CTNNA2: variants seen among roughly 807,000 people sequenced by gnomAD.
CTNNA2 encodes the protein catenin alpha 2, also known as catenin alpha-2.
A neutral mutation model predicts 101.0 loss-of-function variants in CTNNA2; 42 were observed. That is an observed-to-expected ratio of 0.42 (90% CI 0.32 to 0.54). The LOEUF is 0.54. Among genes scored for constraint, CTNNA2 ranks in the 20% least tolerant of loss-of-function variants. The pLI is 0.14. For missense variants in CTNNA2, 871 were observed against 1,223.1 expected (o/e 0.71, Z 4.29); for synonymous variants, 450 against 456.4 (o/e 0.99, Z 0.18).
chr2:80,389,055 A>C (rs1677267117), intron 7 of CTNNA2, among the ~76,000 whole-genome samples: 1 of 152,200 alleles, frequency 6.6e-6, no homozygotes, highest in African/African-American at 2.4e-5. Context: ...TTCTTTAGGG[A>C]TACCAGTTTT....
At chr2:79,516,546 A>G (rs1358544494) in intron 1 of CTNNA2, among the ~76,000 whole-genome samples, 1 of 152,182 alleles carries the variant, frequency 6.6e-6, no homozygotes, top group Non-Finnish European at 1.5e-5. Flanking sequence ...ATACAGGTGA[A>G]TGTATTGAAA....
At chr2:79,434,924 G>A (rs1448794896) in intron 4 of CTNNA2, among the ~76,000 whole-genome samples, 2 of 152,180 alleles carry the variant, frequency 1.3e-5, no homozygotes. Flanking sequence ...GGTTTTCCAA[G>A]TAGAAATCTC....
intron 4 of CTNNA2, among the ~76,000 whole-genome samples, chr2:79,491,665 T>A (rs1487965604): frequency 6.6e-6 from 1 of 152,126 alleles, no homozygotes; most frequent in Non-Finnish European, 1.5e-5. Flanking sequence ...AATCTGGACC[T>A]ATTACTAGAA....
chr2:80,194,857 G>GTA (rs1421649382), intron 7 of CTNNA2, among the ~76,000 whole-genome samples: 27 of 151,482 alleles, frequency 1.8e-4, no homozygotes, highest in East Asian at 3.9e-4. Flanking sequence ...GTGTATGTGT[G>GTA]TATATATATA....
At chr2:80,262,932 A>C (rs1442667324) in intron 7 of CTNNA2, among the ~76,000 whole-genome samples, 1 of 151,840 alleles carries the variant, frequency 6.6e-6, no homozygotes, top group Non-Finnish European at 1.5e-5. Context: ...TAATAAAAAC[A>C]ACAATATTGA....
At chr2:80,193,641 T>C (rs960022559) in intron 7 of CTNNA2, among the ~76,000 whole-genome samples, 1 of 152,226 alleles carries the variant, frequency 6.6e-6, no homozygotes, top group African/African-American at 2.4e-5. Context: ...TCTGTGTTTT[T>C]AGAAAAATCA....
At chr2:80,120,950 G>A (rs191171612) in intron 7 of CTNNA2, among the ~76,000 whole-genome samples, 117 of 152,182 alleles carry the variant, frequency 7.7e-4, no homozygotes, top group Non-Finnish European at 3.8e-4. Context: ...GGTGTAAATC[G>A]AATGCTTTCT....
intron 2 of CTNNA2, among the ~76,000 whole-genome samples, chr2:79,252,753 T>C (rs1441814841): frequency 1.3e-5 from 2 of 152,264 alleles, no homozygotes; most frequent in East Asian, 3.9e-4. Context: ...CATTTTATAA[T>C]TGGTATATCA....
At chr2:79,879,007 A>G (rs1019691359) in intron 6 of CTNNA2, among the ~76,000 whole-genome samples, 9 of 152,166 alleles carry the variant, frequency 5.9e-5, no homozygotes. Context: ...ATAAGGTGTA[A>G]GGAAGGGGTC....
chr2:80,001,301 C>T (rs1692930352), intron 7 of CTNNA2, among the ~76,000 whole-genome samples: 1 of 152,126 alleles, frequency 6.6e-6, no homozygotes, highest in Admixed American at 6.6e-5. Flanking sequence ...TGGCCAAACT[C>T]AGAATTGTTT....
chr2:80,545,014 T>A lies in CTNNA2; in HGVS notation c.1323T>A (p.Asn441Lys), dbSNP rs1691915914. 6.2e-7 allele frequency: 1 copy of A among 1,613,900 alleles called. No individual in the cohort carries two copies. Among genetic ancestry groups the A allele is most frequent in the Non-Finnish European group, 8.5e-7 (1 of 1,179,962 alleles). ...ATTTGGCCTGTTCCATCTCCAACAA[T>A]GAAGAAGGGGTGAAATTAGTTCGGA... The part of the protein sequence containing the change: ...VANLACSISN[N>K]EEGVKLVRMA... Residue 441 changes from asparagine to lysine, a missense_variant, in exon 10 of 19, where the codon AAT (asparagine) becomes AAA (lysine). Asn to Lys is a moderately conservative substitution (Grantham distance 94). Around this residue, in one of 5 missense-constraint regions of CTNNA2, gnomAD observed 647 missense variants for 831.5 expected, o/e 0.78. Transcript: ENST00000402739.
chr2:80,170,333 TGAG>T (rs1704975882), intron 7 of CTNNA2, among the ~76,000 whole-genome samples: 1 of 152,222 alleles, frequency 6.6e-6, no homozygotes, highest in South Asian at 2.1e-4. Context: ...TGAGTTTTTA[TGAG>T]GAGAAGGCTG....
At chr2:79,726,221 AATAG>A (rs1339605149) in intron 2 of CTNNA2, among the ~76,000 whole-genome samples, 5 of 152,316 alleles carry the variant, frequency 3.3e-5, no homozygotes, top group Admixed American at 1.3e-4. Context: ...TCCATCAGTC[AATAG>A]ATAGATAGAG....
chr2:80,589,893 TGTGTGTGTGTG>T (rs1352246986), intron 15 of CTNNA2, among the ~76,000 whole-genome samples: 15 of 147,910 alleles, frequency 1.0e-4, no homozygotes, highest in Admixed American at 4.8e-4. Flanking sequence ...TGTGTGTGTG[TGTGTGTGTGTG>T]TGCGCGCGCG....
At chr2:80,355,752 T>C (rs1673727152) in intron 7 of CTNNA2, among the ~76,000 whole-genome samples, 1 of 152,172 alleles carries the variant, frequency 6.6e-6, no homozygotes, top group Non-Finnish European at 1.5e-5. Context: ...CAACTTTTTC[T>C]TTCTTTCTTT....
intron 1 of CTNNA2, among the ~76,000 whole-genome samples, chr2:79,569,646 C>T (rs1315841932): frequency 6.6e-6 from 1 of 152,174 alleles, no homozygotes; most frequent in Non-Finnish European, 1.5e-5. Context: ...AAAAATGTAA[C>T]TACCAAAGTC....
intron 7 of CTNNA2, among the ~76,000 whole-genome samples, chr2:80,086,952 A>G (rs928762930): frequency 2.4e-4 from 37 of 152,072 alleles, no homozygotes; most frequent in Non-Finnish European, 5.0e-4. Flanking sequence ...AGTGACTCAA[A>G]TGTGTTTCCA....
intron 2 of CTNNA2, among the ~76,000 whole-genome samples, chr2:79,243,029 C>CAT (rs1369431500): frequency 6.0e-5 from 9 of 149,550 alleles, no homozygotes; most frequent in African/African-American, 2.2e-4. Flanking sequence ...CACACACACA[C>CAT]GTTAATATTC....
chr2:79,292,041 T>TG (rs1256925231), intron 2 of CTNNA2, among the ~76,000 whole-genome samples: 1 of 152,160 alleles, frequency 6.6e-6, no homozygotes, highest in East Asian at 1.9e-4. Flanking sequence ...GATTGGCTGT[T>TG]GTTCAGCTCA....
Sources: allele counts gnomAD v4.1 joint callset (sites outside exome capture counted in the v4.1 genomes callset), GRCh38; gene constraint gnomAD v4.1.1; regional missense constraint gnomAD v4.1.1; transcripts MANE v1.5; gene names NCBI Gene and HGNC (gene_info 2026-07-23, HGNC 2026-07-21).